Variants in LSM14B observed in about 807,000 individuals in gnomAD.
The protein encoded by LSM14B is protein LSM14 homolog B.
A neutral mutation model predicts 42.1 loss-of-function variants in LSM14B; 8 were observed. That is an observed-to-expected ratio of 0.19 (90% confidence interval 0.11 to 0.34). LSM14B has a LOEUF of 0.34. LSM14B is among the 10% of genes least tolerant of loss of function. The pLI, the probability that LSM14B is intolerant of heterozygous loss-of-function variation, is 1.00. For synonymous variants in LSM14B, 219 were observed against 209.7 expected (o/e 1.04, Z -0.38); for missense variants, 396 against 513.1 (o/e 0.77, Z 2.21).
At chr20:62,124,099 A>G (rs2056509232) in intron 1 of LSM14B, among the ~76,000 whole-genome samples, 1 of 152,238 alleles carries the variant, frequency 6.6e-6, no homozygotes, top group Non-Finnish European at 1.5e-5. Flanking sequence ...TCAGAGGTCC[A>G]TAATCCTGGG....
chr20:62,124,695 T>G lies in LSM14B; in HGVS notation c.206T>G (p.Phe69Cys). 1 of 1,613,956 alleles carries G rather than the reference T, an allele frequency of 6.2e-7. No individual in the cohort carries two copies. Among genetic ancestry groups the G allele is most frequent in the Non-Finnish European group, 8.5e-7 (1 of 1,179,884 alleles). The change falls in exon 2 of 9, where the codon TTC (phenylalanine) becomes TGC (cysteine). Residue 69 changes from phenylalanine to cysteine, a missense_variant. Phe to Cys is a radical substitution (Grantham distance 205). Coordinates refer to ENST00000279068, the MANE Select transcript of LSM14B (RefSeq NM_144703.3). Reference sequence around the variant, plus strand: ...GAGGAGATTTATGAGTACATCATTTTCCGAGGAAGTGACATCAAGGATATC... The same window carrying G: ...GAGGAGATTTATGAGTACATCATTTGCCGAGGAAGTGACATCAAGGATATC... ...PREEIYEYII[F>C]RGSDIKDITV...
At chr20:62,129,344 C>T (rs948111171) in intron 3 of LSM14B, among the ~76,000 whole-genome samples, 1 of 152,192 alleles carries the variant, frequency 6.6e-6, no homozygotes, top group Non-Finnish European at 1.5e-5. Flanking sequence ...GCTGGTTCTT[C>T]TCCAGTGTGG....
intron 7 of LSM14B, 126 bp downstream of exon 7, chr20:62,131,632 C>T (rs536531058): frequency 1.7e-5 from 21 of 1,226,080 alleles, no homozygotes; most frequent in African/African-American, 3.0e-5. Flanking sequence ...GTCCTGCTTG[C>T]GTTTCTGCAT....
In LSM14B at chr20:62,130,001, GCA is replaced by G; in HGVS notation, c.595+53_595+54del. 6.5e-7 allele frequency: 1 copy of G among 1,548,304 alleles called. No homozygotes were observed. On this transcript the variant is annotated intron_variant, in intron 4 of 8. Transcript: ENST00000279068. This position sits in a 1 kb window ranked among gnomAD's most constrained non-coding sequence, Gnocchi z 4.1. Reference sequence around the variant, plus strand: ...GAGTTTGCTTGATGTTCTAAAAGTGGCACACTACTTCCTGGGCTATTTTTTTT... The same window carrying G: ...GAGTTTGCTTGATGTTCTAAAAGTGGCACTACTTCCTGGGCTATTTTTTTT...
chr20:62,126,696 C>A (rs536270615), intron 3 of LSM14B, among the ~76,000 whole-genome samples: 3 of 152,128 alleles, frequency 2.0e-5, no homozygotes, highest in Non-Finnish European at 4.4e-5. Flanking sequence ...AGAGTCAGGG[C>A]GGATCTAGGT....
Position 62,130,742 on chromosome 20 carries a change from A to T in LSM14B, c.835+51A>T. 1 of 1,575,310 alleles carries T rather than the reference A, an allele frequency of 6.3e-7. No homozygotes were observed. The highest frequency in any genetic ancestry group is 8.6e-7 in the Non-Finnish European group (1 of 1,160,336). The stretch of plus-strand genomic sequence containing the variant: ...TCTCTGCACAGGAGTACCCCTAGAG[A>T]GTGTTAGGAGGAGATGCCTGGCCGG... On this transcript the variant is annotated intron_variant, in intron 6 of 8. Coordinates refer to ENST00000279068, the MANE Select transcript of LSM14B (RefSeq NM_144703.3). This position sits in a 1 kb window ranked among gnomAD's most constrained non-coding sequence, Gnocchi z 4.1.
intron 3 of LSM14B, among the ~76,000 whole-genome samples, chr20:62,128,298 A>G (rs567961956): frequency 6.6e-6 from 1 of 152,310 alleles, no homozygotes; most frequent in South Asian, 2.1e-4. Context: ...TCTAAAATTC[A>G]TATTGACGAT....
chr20:62,122,912 AC>A lies in LSM14B; in HGVS notation c.127+122del. ...GGCGCCCAGACCCCGCCCAGAACCC[AC>A]CCAGGGCACACCCGGCCCGAGATCC... On this transcript the variant is annotated intron_variant, in intron 1 of 8. Transcript: ENST00000279068. This position sits in a 1 kb window ranked among gnomAD's most constrained non-coding sequence, Gnocchi z 4.6. The A allele has an allele frequency of 2.4e-6, 2 of 848,460 alleles. No homozygotes were observed. Among genetic ancestry groups the A allele is most frequent in the Non-Finnish European group, 1.5e-6 (1 of 678,362 alleles). The allele number at this position is 848,460 out of a possible 1,614,324, so 52.6% of individuals were successfully genotyped here. A position where few individuals can be genotyped will look rare whatever the true frequency, so the allele number is the denominator to read the frequency against.
chr20:62,131,027 C>T (rs974689020), intron 6 of LSM14B, among the ~76,000 whole-genome samples: 1 of 152,010 alleles, frequency 6.6e-6, no homozygotes, highest in Non-Finnish European at 1.5e-5. Flanking sequence ...TCCAGCCGGG[C>T]GATAGAGCAA....
At chr20:62,131,232 C>G in intron 6 of LSM14B, 124 bp from the exon 7 acceptor site, 1 of 1,129,494 alleles carries the variant, frequency 8.9e-7, no homozygotes, top group Non-Finnish European at 1.2e-6. Context: ...TTCTGCTTTG[C>G]ACAAGGCATA....
chr20:62,126,458 T>C lies in LSM14B; in HGVS notation c.427+19T>C. 1 of 1,603,318 alleles carries C rather than the reference T, an allele frequency of 6.2e-7. No individual in the cohort carries two copies. Among genetic ancestry groups the C allele is most frequent in the Non-Finnish European group, 8.5e-7 (1 of 1,178,874 alleles). On this transcript the variant is annotated intron_variant, in intron 3 of 8. Transcript: ENST00000279068. Reference sequence around the variant, plus strand: ...GGTCTAGGTGAGTGACCTGTTTCTGTCTGGTAAACTACCCTTGCGTGTAAC... The same window carrying C: ...GGTCTAGGTGAGTGACCTGTTTCTGCCTGGTAAACTACCCTTGCGTGTAAC...
chr20:62,122,501 C>A lies in LSM14B; in HGVS notation c.-166C>A. On this transcript the variant is annotated 5_prime_UTR_variant, in exon 1 of 9. Coordinates refer to ENST00000279068, the MANE Select transcript of LSM14B (RefSeq NM_144703.3). The surrounding 1 kb of genome is among the most constrained non-coding windows in gnomAD (Gnocchi z 4.6). ...GTCGCGCGCCCCTTCTTGGTTCGCT[C>A]GGTGCCCGCGCAGGCCCCTCGGGCG... is the stretch of plus-strand genomic sequence containing the variant. 2.8e-6 allele frequency: 1 copy of A among 360,014 alleles called. No individual in the cohort carries two copies. Among genetic ancestry groups the A allele is most frequent in the South Asian group, 1.1e-4 (1 of 9,492 alleles). 22.3% of individuals were successfully genotyped at this position (360,014 alleles called of 1,614,324 possible).
rs150707749 is a variant in LSM14B at position 62,133,976 on chromosome 20, C to T, written c.*15-187C>T. ...GGCCCTGGAAAGACTAGCCCTCCTG[C>T]CACTAGCTGCGTCCCTGTCCCCAGT... On this transcript the variant is annotated intron_variant, in intron 8 of 8. Coordinates refer to ENST00000279068, the MANE Select transcript of LSM14B (RefSeq NM_144703.3). Among the ~76,000 whole-genome samples the T allele has an allele frequency of 9.8e-5, 15 of 152,360 alleles. No homozygotes were observed. In the East Asian group the frequency reaches 2.9e-3, roughly 29 times the overall value.
rs773524652 is a variant in LSM14B at position 62,129,030 on chromosome 20, G to C, written c.428-755G>C. On this transcript the variant is annotated intron_variant, in intron 3 of 8. Coordinates refer to ENST00000279068, the MANE Select transcript of LSM14B (RefSeq NM_144703.3). ...ACCTTGGAAAGGGAGGAGATGGAGA[G>C]AGGTGGGTGGTGCTTCCCATTTTCC... The C allele has an allele frequency of 3.1e-6, 4 of 1,298,910 alleles. No homozygotes were observed. In the South Asian group the frequency reaches 4.9e-5, roughly 16 times the overall value. The allele number at this position is 1,298,910 out of a possible 1,614,324, so 80.5% of individuals were successfully genotyped here.
chr20:62,126,316 T>C lies in LSM14B; in HGVS notation c.304T>C (p.Ser102Pro). 1.9e-6 allele frequency: 3 copies of C among 1,613,930 alleles called. No homozygotes were observed. Among genetic ancestry groups the C allele is most frequent in the Non-Finnish European group, 2.5e-6 (3 of 1,179,900 alleles). Residue 102 changes from serine (S) to proline (P), a missense_variant, in exon 3 of 9, where the codon TCT becomes CCT. This residue lies in a region of LSM14B where 274 missense variants were observed against 335.8 expected (regional missense o/e 0.82). Transcript: ENST00000279068. ...TCTCGTTGTTCAGTCTTCCCTGGGT[T>C]CTGCCTCCGCCTCGCCCTTCCAGCC... Reference protein sequence around the residue: ...DPAIVQSSLGSASASPFQPHV... With the variant: ...DPAIVQSSLGPASASPFQPHV...
chr20:62,129,919 C>T lies in LSM14B; in HGVS notation c.562C>T (p.Arg188Cys), dbSNP rs2056715870. The change falls in exon 4 of 9, where the codon CGT becomes TGT. Residue 188 changes from arginine (R) to cysteine (C), a missense_variant. Coordinates refer to ENST00000279068, the MANE Select transcript of LSM14B (RefSeq NM_144703.3). ...KGTTGTQLNGRQAQPSSKTAS... is the reference protein window; with the variant it reads ...KGTTGTQLNGCQAQPSSKTAS... ...CACCACAGGGACGCAGCTCAACGGTCGTCAGGCCCAGCCGAGCAGCAAGAC... is the reference window on the plus strand; with the variant it reads ...CACCACAGGGACGCAGCTCAACGGTTGTCAGGCCCAGCCGAGCAGCAAGAC... 1 of 1,613,314 alleles carries T rather than the reference C, an allele frequency of 6.2e-7. No individual in the cohort carries two copies. Among genetic ancestry groups the T allele is most frequent in the African/African-American group, 1.3e-5 (1 of 75,012 alleles).
At position 62,133,151 on chromosome 20, in the gene LSM14B, A is replaced by G; in HGVS notation, c.987-139A>G. ...ACCTGCAGTGCCGGAGCTGGGCTCC[A>G]GAGCTGACGGGGCCGCCCCTTCCCT... On this transcript the variant is annotated intron_variant, in intron 7 of 8. Coordinates refer to ENST00000279068, the MANE Select transcript of LSM14B (RefSeq NM_144703.3). 2.9e-6 allele frequency: 3 copies of G among 1,022,138 alleles called. No homozygotes were observed. In the South Asian group the frequency reaches 4.9e-5, roughly 17 times the overall value. 63.3% of individuals were successfully genotyped at this position (1,022,138 alleles called of 1,614,324 possible). A position where few individuals can be genotyped will look rare whatever the true frequency, so the allele number is the denominator to read the frequency against.
chr20:62,130,534 C>T lies in LSM14B; in HGVS notation c.678C>T (p.Asn226=). 3.7e-6 allele frequency: 6 copies of T among 1,613,582 alleles called. No homozygotes were observed. The highest frequency in any genetic ancestry group is 5.1e-6 in the Non-Finnish European group (6 of 1,179,702). The change falls in exon 6 of 9, where the codon AAC becomes AAT. Residue 226 remains asparagine (N), a synonymous_variant. Transcript: ENST00000279068. The surrounding 1 kb of genome is among the most constrained non-coding windows in gnomAD (Gnocchi z 4.1). ...NRRPQRRRSG[N]RRTRNRSRGQ... is the part of the protein sequence containing the mutation. ...GGCTGTCCTTTGTCCTCACAGGAAA[C>T]AGGCGAACAAGGAATCGCTCCAGAG...
chr20:62,132,103 G>A (rs1407009920), intron 7 of LSM14B, among the ~76,000 whole-genome samples: 3 of 152,262 alleles, frequency 2.0e-5, no homozygotes, highest in Non-Finnish European at 4.4e-5. Flanking sequence ...GGCCTCAGAA[G>A]GCAGGCTGGA....
Sources: gnomAD v4.1 joint callset for allele counts (sites outside exome capture counted in the v4.1 genomes callset) on GRCh38, gnomAD v4.1.1 for gene constraint, gnomAD v4.1.1 regional missense constraint, Gnocchi (gnomAD v3.1) non-coding constraint, MANE v1.5 for transcripts, NCBI Gene and HGNC (gene_info 2026-07-23, HGNC 2026-07-21) for gene names.